Variants in SLC35A1 observed in about 807,000 individuals in gnomAD.
SLC35A1 encodes the protein CMP-sialic acid transporter.
SLC35A1 carries 21 observed loss-of-function variants against 40.3 expected under a neutral mutation model. The observed-to-expected ratio is 0.52, with a 90% CI of 0.37 to 0.75. The LOEUF is 0.75. Ranked by LOEUF, SLC35A1 falls within the 30% of genes least tolerant of loss-of-function variation. The pLI is 0.00. For synonymous variants in SLC35A1, 146 were observed against 147.3 expected (o/e 0.99, Z 0.06); for missense variants, 297 against 382.1 (o/e 0.78, Z 1.86).
intron 2 of SLC35A1, among the ~76,000 whole-genome samples, chr6:87,492,588 C>A (rs943115586): frequency 6.8e-4 from 99 of 146,064 alleles, no homozygotes; most frequent in Non-Finnish European, 9.0e-4. Context: ...ACTCTTGTTG[C>A]CCAGGCTGGA....
chr6:87,508,578 T>G lies in SLC35A1; in HGVS notation c.733T>G (p.Tyr245Asp). 1 of 1,612,684 alleles carries G rather than the reference T, an allele frequency of 6.2e-7. No homozygotes were observed. The highest frequency in any genetic ancestry group is 1.1e-5 in the South Asian group (1 of 90,956). Residue 245 changes from tyrosine to aspartate, a missense_variant, in exon 6 of 8, where the codon TAT becomes GAT. By Grantham distance (160) the Tyr-to-Asp change is radical. Transcript: ENST00000369552. The part of the protein sequence containing the change: ...EKGFFYGYTY[Y>D]VWFVIFLASV... Reference sequence around the variant, plus strand: ...AGGATTTTTCTATGGTTACACATATTATGTCTGGTTTGTCATCTGTAAGTA... The same window carrying G: ...AGGATTTTTCTATGGTTACACATATGATGTCTGGTTTGTCATCTGTAAGTA...
chr6:87,506,582 T>G, intron 5 of SLC35A1, 134 bp downstream of exon 5: 1 of 767,362 alleles, frequency 1.3e-6, no homozygotes, highest in East Asian at 2.6e-5. Flanking sequence ...ATATTTAGTT[T>G]TATGTCAGCT....
chr6:87,479,671 C>CA (rs1218802479), intron 2 of SLC35A1, among the ~76,000 whole-genome samples: 4 of 152,216 alleles, frequency 2.6e-5, no homozygotes, highest in African/African-American at 7.2e-5. Context: ...CCTATTTTCC[C>CA]AAGCCATCTG....
intron 4 of SLC35A1, among the ~76,000 whole-genome samples, chr6:87,504,566 T>G (rs898507008): frequency 6.6e-6 from 1 of 152,152 alleles, no homozygotes; most frequent in African/African-American, 2.4e-5. Flanking sequence ...TAACTTGAAG[T>G]TTTACATTTT....
intron 4 of SLC35A1, among the ~76,000 whole-genome samples, chr6:87,503,861 C>T (rs1314413725): frequency 6.6e-6 from 1 of 152,146 alleles, no homozygotes; most frequent in Non-Finnish European, 1.5e-5. Flanking sequence ...ACACTATTTT[C>T]CACTGATGAC....
chr6:87,482,440 C>CT (rs1179339629), intron 2 of SLC35A1, among the ~76,000 whole-genome samples: 1 of 152,208 alleles, frequency 6.6e-6, no homozygotes, highest in Non-Finnish European at 1.5e-5. Context: ...ATTAATAAGA[C>CT]TTTCTTTAGT....
At chr6:87,478,655 G>A (rs768372470) in intron 2 of SLC35A1, among the ~76,000 whole-genome samples, 1 of 152,208 alleles carries the variant, frequency 6.6e-6, no homozygotes, top group Admixed American at 6.5e-5. Context: ...AAGATACCGA[G>A]TGAAAGTGTT....
intron 2 of SLC35A1, among the ~76,000 whole-genome samples, chr6:87,477,912 C>G (rs1769121595): frequency 6.6e-6 from 1 of 152,208 alleles, no homozygotes; most frequent in South Asian, 2.1e-4. Flanking sequence ...TGGAGACTGA[C>G]TGGCTTGCAA....
rs141689740 is a variant in SLC35A1, at chr6:87,508,518, G to T, written c.673G>T (p.Val225Phe). The T allele has an allele frequency of 6.2e-7, 1 of 1,612,754 alleles. No homozygotes were observed. The highest frequency in any genetic ancestry group is 8.5e-7 in the Non-Finnish European group (1 of 1,179,132). ...AGGGATTATTGTGACATTAGCTGGC[G>T]TCTACTTGTCAGATGGAGCTGAAAT... ...LSGIIVTLAG[V>F]YLSDGAEIKE... Residue 225 changes from valine to phenylalanine, a missense_variant, in exon 6 of 8, where the codon GTC (valine) becomes TTC (phenylalanine). Coordinates refer to ENST00000369552, the MANE Select transcript of SLC35A1 (RefSeq NM_006416.5).
At chr6:87,507,676 T>A (rs1770129784) in intron 5 of SLC35A1, among the ~76,000 whole-genome samples, 1 of 152,162 alleles carries the variant, frequency 6.6e-6, no homozygotes, top group Non-Finnish European at 1.5e-5. Context: ...ATGATATTTA[T>A]AACTAAAATC....
intron 2 of SLC35A1, among the ~76,000 whole-genome samples, chr6:87,492,545 A>ATTTTTTTTTTT (rs59459204): frequency 8.7e-6 from 1 of 115,044 alleles, no homozygotes; most frequent in Non-Finnish European, 1.7e-5. Flanking sequence ...ATTTATCTTG[A>ATTTTTTTTTTT]TTTTTTTTTT....
At chr6:87,485,086 A>G (rs1007248115) in intron 2 of SLC35A1, among the ~76,000 whole-genome samples, 2 of 152,218 alleles carry the variant, frequency 1.3e-5, no homozygotes, top group Admixed American at 1.3e-4. Context: ...TGAAAGGCAA[A>G]CAGGATGTTA....
intron 2 of SLC35A1, among the ~76,000 whole-genome samples, chr6:87,494,794 A>T (rs1309423390): frequency 6.6e-6 from 1 of 152,234 alleles, no homozygotes; most frequent in African/African-American, 2.4e-5. Flanking sequence ...TACAACATTT[A>T]AAAGTACTTT....
intron 2 of SLC35A1, among the ~76,000 whole-genome samples, chr6:87,498,687 A>C (rs568652176): frequency 1.3e-5 from 2 of 152,252 alleles, no homozygotes; most frequent in South Asian, 4.2e-4. Context: ...AGGAGAATCC[A>C]TGAACCTGGG....
At position 87,501,311 on chromosome 6, in the gene SLC35A1, G is replaced by T; in HGVS notation, c.507+1G>T. ...ACCAGCCCAAGCTACAAAAGTGGTG[G>T]TAAGAAACAAAATGCACACCATAAC... is the stretch of plus-strand genomic sequence containing the variant. On this transcript the variant is annotated splice_donor_variant, in intron 4 of 7. Transcript: ENST00000369552. LOFTEE classifies it high-confidence loss of function. The T allele has an allele frequency of 6.2e-7, 1 of 1,613,204 alleles. No individual in the cohort carries two copies.
chr6:87,500,234 T>C (rs1483452352), intron 2 of SLC35A1, among the ~76,000 whole-genome samples: 1 of 152,178 alleles, frequency 6.6e-6, no homozygotes, highest in East Asian at 1.9e-4. Context: ...TTTCCTAATC[T>C]CATTATTCAA....
intron 5 of SLC35A1, among the ~76,000 whole-genome samples, chr6:87,507,494 T>C (rs1770122511): frequency 6.6e-6 from 1 of 152,150 alleles, no homozygotes; most frequent in Non-Finnish European, 1.5e-5. Context: ...TCTCTCTGTG[T>C]TTACGGTAAC....
At chr6:87,501,119 A>G (rs1049267379) in intron 3 of SLC35A1, 39 bp from the exon 4 acceptor site, 2 of 1,510,024 alleles carry the variant, frequency 1.3e-6, no homozygotes, top group African/African-American at 2.7e-5. Flanking sequence ...TCAGAGACTA[A>G]CATTAACTGA....
intron 2 of SLC35A1, among the ~76,000 whole-genome samples, chr6:87,497,543 T>C (rs1769770458): frequency 6.6e-6 from 1 of 151,704 alleles, no homozygotes; most frequent in South Asian, 2.1e-4. Flanking sequence ...GGAGAAGTGA[T>C]AAGAAAGAAA....
Sources: allele counts gnomAD v4.1 joint callset (sites outside exome capture counted in the v4.1 genomes callset), GRCh38; gene constraint gnomAD v4.1.1; transcripts MANE v1.5; gene names NCBI Gene and HGNC (gene_info 2026-07-23, HGNC 2026-07-21).